UBE2N: variants seen among roughly 807,000 people sequenced by gnomAD.
UBE2N encodes ubiquitin-conjugating enzyme E2 N.
For synonymous variants in UBE2N, 70 were observed against 69.2 expected (o/e 1.01, Z -0.06); for missense variants, 60 against 192.1 (o/e 0.31, Z 4.07).
intron 1 of UBE2N, among the ~76,000 whole-genome samples, chr12:93,431,904 C>T (rs2121092059): frequency 6.6e-6 from 1 of 152,318 alleles, no homozygotes; most frequent in East Asian, 1.9e-4. Flanking sequence ...CTCCCTCCTT[C>T]TCTTGGCCCA....
At chr12:93,431,011 A>G (rs1287277170) in intron 1 of UBE2N, among the ~76,000 whole-genome samples, 2 of 151,110 alleles carry the variant, frequency 1.3e-5, no homozygotes, top group African/African-American at 2.4e-5. Flanking sequence ...GGCGAATCAC[A>G]AGGTCAGGAG....
chr12:93,440,557 C>G (rs768965951), intron 1 of UBE2N, among the ~76,000 whole-genome samples: 1 of 152,204 alleles, frequency 6.6e-6, no homozygotes, highest in Non-Finnish European at 1.5e-5. Flanking sequence ...TACAGTACAT[C>G]ATCCTCGAAG....
In UBE2N at chr12:93,441,870, G is replaced by C; in HGVS notation, c.15C>G (p.Pro5=). MAGL[P]RRIIKETQRL... ...GGGCGGTTACCTTGATGATCCTGCGGGGCAGCCCGGCCATCTTGTCAGAAC... is the reference window on the plus strand; with the variant it reads ...GGGCGGTTACCTTGATGATCCTGCGCGGCAGCCCGGCCATCTTGTCAGAAC... Residue 5 remains proline (P), a synonymous_variant, in exon 1 of 4, where the codon CCC becomes CCG. Transcript: ENST00000318066. 6.3e-7 allele frequency: 1 copy of C among 1,578,522 alleles called. No individual in the cohort carries two copies. Among genetic ancestry groups the C allele is most frequent in the Non-Finnish European group, 8.6e-7 (1 of 1,165,036 alleles).
intron 1 of UBE2N, among the ~76,000 whole-genome samples, chr12:93,440,364 A>C (rs991010081): frequency 6.6e-6 from 1 of 152,156 alleles, no homozygotes; most frequent in East Asian, 1.9e-4. Context: ...CACACACAAC[A>C]AATTTCGGAC....
chr12:93,423,859 G>C (rs185784057), intron 1 of UBE2N, among the ~76,000 whole-genome samples: 1 of 152,258 alleles, frequency 6.6e-6, no homozygotes, highest in East Asian at 1.9e-4. Flanking sequence ...TGCTGAAGGA[G>C]AAGGATATTA....
chr12:93,423,640 G>C (rs1878485981), intron 1 of UBE2N, among the ~76,000 whole-genome samples: 1 of 152,294 alleles, frequency 6.6e-6, no homozygotes, highest in South Asian at 2.1e-4. Flanking sequence ...GTACCAATGT[G>C]ATATGTGACC....
chr12:93,432,543 A>C (rs1878802896), intron 1 of UBE2N, among the ~76,000 whole-genome samples: 1 of 152,090 alleles, frequency 6.6e-6, no homozygotes, highest in South Asian at 2.1e-4. Context: ...TATAATCTTA[A>C]GAAAGTTACA....
At position 93,409,665 on chromosome 12, in the gene UBE2N, C is replaced by T. The variant is rs149103079; in HGVS notation, c.*374G>A. ...GAGCCCATAAAATTAAACTACCTCC[C>T]CCCTCAAAAATAAAATAAAATAAAA... On this transcript the variant is annotated 3_prime_UTR_variant, in exon 4 of 4. Transcript: ENST00000318066. 2.5e-3 allele frequency: 445 copies of T among 176,430 alleles called. 4 individuals are homozygous for T. Among genetic ancestry groups the T allele is most frequent in the African/African-American group, 0.01 (431 of 41,724 alleles). 10.9% of individuals were successfully genotyped at this position (176,430 alleles called of 1,614,324 possible). A position where few individuals can be genotyped will look rare whatever the true frequency, so the allele number is the denominator to read the frequency against.
At position 93,441,923 on chromosome 12, in the gene UBE2N, G is replaced by T. The variant is rs766412489; in HGVS notation, c.-39C>A. 3 of 1,558,982 alleles carry T rather than the reference G, an allele frequency of 1.9e-6. No homozygotes were observed. The highest frequency in any genetic ancestry group is 3.8e-5 in the Admixed American group (2 of 52,284). Reference sequence around the variant, plus strand: ...GAGTTCGGCCTCTGGTCTCGTCTCCGGCTCCTCTCGCCTCACGCACGAGTG... The same window carrying T: ...GAGTTCGGCCTCTGGTCTCGTCTCCTGCTCCTCTCGCCTCACGCACGAGTG... On this transcript the variant is annotated 5_prime_UTR_variant, in exon 1 of 4. Coordinates refer to ENST00000318066, the MANE Select transcript of UBE2N (RefSeq NM_003348.4).
At chr12:93,435,714 T>G (rs1244605683) in intron 1 of UBE2N, among the ~76,000 whole-genome samples, 1 of 152,200 alleles carries the variant, frequency 6.6e-6, no homozygotes, top group East Asian at 1.9e-4. Flanking sequence ...TGAGTGGCTT[T>G]TAAACAGTAA....
chr12:93,438,831 T>C (rs543458463), intron 1 of UBE2N, among the ~76,000 whole-genome samples: 52 of 151,864 alleles, frequency 3.4e-4, no homozygotes, highest in Non-Finnish European at 3.5e-4. Context: ...GGAATCTAAA[T>C]GAGATAGCAA....
chr12:93,425,168 G>A (rs979402936), intron 1 of UBE2N, among the ~76,000 whole-genome samples: 2 of 152,178 alleles, frequency 1.3e-5, no homozygotes, highest in Admixed American at 6.5e-5. Flanking sequence ...TAAAGAAGCA[G>A]AGAGGTCAAA....
chr12:93,439,323 C>G (rs1425893051), intron 1 of UBE2N, among the ~76,000 whole-genome samples: 1 of 152,116 alleles, frequency 6.6e-6, no homozygotes, highest in East Asian at 1.9e-4. Flanking sequence ...CCCGTCCCTA[C>G]AAAAATTAGC....
chr12:93,426,957 T>C (rs560699135), intron 1 of UBE2N, among the ~76,000 whole-genome samples: 2 of 152,182 alleles, frequency 1.3e-5, no homozygotes, highest in East Asian at 3.9e-4. Context: ...TTTTCTTTTG[T>C]CGCCCAGACT....
chr12:93,438,975 T>TTAA (rs1879016859), intron 1 of UBE2N, among the ~76,000 whole-genome samples: 1 of 152,328 alleles, frequency 6.6e-6, no homozygotes, highest in Non-Finnish European at 1.5e-5. Context: ...GGAAAGTCAT[T>TTAA]TAAGTCAGTT....
In UBE2N at chr12:93,408,011, A is replaced by G. The variant is rs941034156; in HGVS notation, c.*2028T>C. ...CTTCTATAACTCACAAATTTAGCAG[A>G]CATCATTTAGACATTTTTGTAGTGC... On this transcript the variant is annotated 3_prime_UTR_variant, in exon 4 of 4. Coordinates refer to ENST00000318066, the MANE Select transcript of UBE2N (RefSeq NM_003348.4). 6 of 152,260 alleles carry G rather than the reference A, an allele frequency of 3.9e-5. No homozygotes were observed. Among genetic ancestry groups the G allele is most frequent in the African/African-American group, 1.4e-4 (6 of 41,474 alleles). The allele number at this position is 152,260 out of a possible 1,614,324, so 9.4% of individuals were successfully genotyped here.
At chr12:93,418,174 T>C (rs930419862) in intron 1 of UBE2N, among the ~76,000 whole-genome samples, 1 of 151,988 alleles carries the variant, frequency 6.6e-6, no homozygotes, top group Non-Finnish European at 1.5e-5. Context: ...CTGGGCAACA[T>C]AGCAAGACCC....
rs1877814332 is a variant in UBE2N, at chr12:93,406,305, A to AG, written c.*3733dup. ...AAAAAAAAAAAAAAAAAAAAAAAAA[A>AG]GGTTCCTGAACCATTCAACAGAAAA... On this transcript the variant is annotated 3_prime_UTR_variant, in exon 4 of 4. Transcript: ENST00000318066. 2.9e-5 allele frequency: 4 copies of AG among 136,296 alleles called. No homozygotes were observed. In the Admixed American group the frequency reaches 3.0e-4, roughly 10 times the overall value. 8.4% of individuals were successfully genotyped at this position (136,296 alleles called of 1,614,324 possible).
In UBE2N at chr12:93,441,769, G is replaced by A. The variant is rs569823556; in HGVS notation, c.30+86C>T. The A allele has an allele frequency of 1.2e-4, 191 of 1,538,076 alleles. 1 individual carries two copies. The African/African-American group carries it at 2.4e-3, about 20-fold the overall frequency. Reference sequence around the variant, plus strand: ...TCGGGCCTCCCAGAGCGGGCCGCGGGCCGAAGGAGGCGAGAGGCCGCGCTG... The same window carrying A: ...TCGGGCCTCCCAGAGCGGGCCGCGGACCGAAGGAGGCGAGAGGCCGCGCTG... On this transcript the variant is annotated intron_variant, in intron 1 of 3. Coordinates refer to ENST00000318066, the MANE Select transcript of UBE2N (RefSeq NM_003348.4).
Sources: allele counts gnomAD v4.1 joint callset (sites outside exome capture counted in the v4.1 genomes callset), GRCh38; gene constraint gnomAD v4.1.1; transcripts MANE v1.5; gene names NCBI Gene and HGNC (gene_info 2026-07-23, HGNC 2026-07-21).